The following TFEC variants were observed in gnomAD, a reference collection of about 807,000 sequenced individuals.
TFEC encodes the protein transcription factor EC, also known as class E basic helix-loop-helix protein 34.
TFEC carries 31 observed loss-of-function variants against 41.6 expected under a neutral mutation model. The ratio of observed to expected loss-of-function variants is 0.74; its 90% CI spans 0.56 to 1.01. The LOEUF (loss-of-function observed/expected upper bound fraction) is 1.01. Among genes scored for constraint, TFEC ranks in the 50% least tolerant of loss-of-function variants. TFEC has a pLI of 0.00. For missense variants in TFEC, 402 were observed against 404.1 expected (o/e 0.99, Z 0.04); for synonymous variants, 143 against 140.6 (o/e 1.02, Z -0.12).
chr7:116,008,416 C>A (rs1235231613), intron 1 of TFEC, among the ~76,000 whole-genome samples: 2 of 152,086 alleles, frequency 1.3e-5, no homozygotes, highest in Non-Finnish European at 2.9e-5. Context: ...CAAGACCATT[C>A]CATTCATTAT....
At chr7:116,136,924 C>G (rs978182260) in intron 1 of TFEC, among the ~76,000 whole-genome samples, 1 of 152,032 alleles carries the variant, frequency 6.6e-6, no homozygotes, top group African/African-American at 2.4e-5. Flanking sequence ...ATCCCTTTCA[C>G]TATTCCAAAT....
intron 3 of TFEC, among the ~76,000 whole-genome samples, chr7:116,046,239 G>T (rs962804061): frequency 6.6e-6 from 1 of 152,096 alleles, no homozygotes; most frequent in Admixed American, 6.5e-5. Context: ...GGGGCCAGGG[G>T]CAGAATGATA....
At chr7:115,954,149 A>G (rs1792092410) in intron 5 of TFEC, among the ~76,000 whole-genome samples, 1 of 152,146 alleles carries the variant, frequency 6.6e-6, no homozygotes, top group Admixed American at 6.6e-5. Context: ...CAGCACTGCA[A>G]CACAGCAATG....
intron 3 of TFEC, among the ~76,000 whole-genome samples, chr7:116,091,863 A>T: frequency 9.6e-6 from 1 of 103,796 alleles, no homozygotes; most frequent in African/African-American, 3.4e-5. Context: ...AATTACGCTA[A>T]AAAAAAAAGG....
chr7:116,108,066 A>C (rs983064286), intron 3 of TFEC, among the ~76,000 whole-genome samples: 1 of 152,126 alleles, frequency 6.6e-6, no homozygotes, highest in South Asian at 2.1e-4. Context: ...TTTCATTAAA[A>C]CCCTACTGGC....
chr7:116,129,999 T>C (rs1188021569), intron 1 of TFEC, among the ~76,000 whole-genome samples: 1 of 151,778 alleles, frequency 6.6e-6, no homozygotes, highest in Non-Finnish European at 1.5e-5. Flanking sequence ...CATTTTTTTC[T>C]GTATTCCTGT....
At chr7:116,015,741 T>C (rs932656207) in intron 1 of TFEC, among the ~76,000 whole-genome samples, 3 of 152,140 alleles carry the variant, frequency 2.0e-5, no homozygotes, top group Non-Finnish European at 4.4e-5. Context: ...TCACATATTA[T>C]GCATTCAGAT....
At chr7:116,016,163 G>A (rs1023813382) in intron 1 of TFEC, among the ~76,000 whole-genome samples, 1 of 152,168 alleles carries the variant, frequency 6.6e-6, no homozygotes, top group Non-Finnish European at 1.5e-5. Flanking sequence ...AAAATCAAAT[G>A]CCTCAGGGAT....
intron 1 of TFEC, among the ~76,000 whole-genome samples, chr7:116,132,293 A>C (rs1798348936): frequency 6.6e-6 from 1 of 152,188 alleles, no homozygotes. Flanking sequence ...CACTGTTCAA[A>C]AATGCTATTT....
intron 4 of TFEC, 46 bp downstream of exon 4, chr7:115,956,633 G>C (rs572817391): frequency 2.1e-5 from 29 of 1,384,430 alleles, no homozygotes; most frequent in Middle Eastern, 1.9e-4. Flanking sequence ...CATAACTTAT[G>C]TCATTAATAA....
intron 3 of TFEC, among the ~76,000 whole-genome samples, chr7:116,098,304 C>T (rs545644324): frequency 6.3e-4 from 96 of 152,180 alleles, no homozygotes; most frequent in African/African-American, 2.2e-3. Context: ...GGACTACAGG[C>T]GTGCACCACC....
At chr7:116,151,615 GT>G (rs1330817324) in intron 1 of TFEC, among the ~76,000 whole-genome samples, 1 of 151,358 alleles carries the variant, frequency 6.6e-6, no homozygotes, top group African/African-American at 2.4e-5. Context: ...TTTGGTTTTG[GT>G]TTTGGTTTTT....
chr7:115,963,074 T>A (rs1291151330), intron 3 of TFEC, among the ~76,000 whole-genome samples: 1 of 150,694 alleles, frequency 6.6e-6, no homozygotes, highest in Non-Finnish European at 1.5e-5. Flanking sequence ...ATTGTTCAAC[T>A]CCCACTTCTG....
chr7:116,110,794 T>G (rs1186254921), exon 3 of TFEC: 14 of 1,548,212 alleles, frequency 9.0e-6, no homozygotes, highest in Non-Finnish European at 1.2e-5. Flanking sequence ...GAAAACTGCA[T>G]GTGGAACTCT....
chr7:116,066,553 T>G (rs1796699142), intron 3 of TFEC, among the ~76,000 whole-genome samples: 2 of 152,022 alleles, frequency 1.3e-5, no homozygotes, highest in Admixed American at 1.3e-4. Context: ...AAATTATCTT[T>G]GGGAGTAAAA....
At chr7:115,995,039 C>T (rs1794298616) in intron 1 of TFEC, among the ~76,000 whole-genome samples, 2 of 152,012 alleles carry the variant, frequency 1.3e-5, no homozygotes. Flanking sequence ...GAGTTCATGT[C>T]CTTTGTAGGG....
At chr7:115,992,291 A>G (rs1462370255) in intron 1 of TFEC, among the ~76,000 whole-genome samples, 1 of 152,228 alleles carries the variant, frequency 6.6e-6, no homozygotes, top group Non-Finnish European at 1.5e-5. Context: ...ATCACAATTA[A>G]AAGAACTAGA....
chr7:115,989,596 G>T (rs1304362618), intron 1 of TFEC, among the ~76,000 whole-genome samples: 1 of 152,224 alleles, frequency 6.6e-6, no homozygotes, highest in Non-Finnish European at 1.5e-5. Flanking sequence ...GGCTCAGAGG[G>T]TCCCATGCCC....
At chr7:115,970,872 G>A (rs774338333) in intron 3 of TFEC, among the ~76,000 whole-genome samples, 12 of 151,982 alleles carry the variant, frequency 7.9e-5, no homozygotes, top group Admixed American at 2.0e-4. Context: ...AATGCTTCAC[G>A]TATACAGTCT....
Sources: allele counts gnomAD v4.1 joint callset (sites outside exome capture counted in the v4.1 genomes callset), GRCh38; gene constraint gnomAD v4.1.1; transcripts MANE v1.5; gene names NCBI Gene and HGNC (gene_info 2026-07-23, HGNC 2026-07-21).